GPHN: variants seen among roughly 807,000 people sequenced by gnomAD.
GPHN encodes gephyrin.
A neutral mutation model predicts 95.5 loss-of-function variants in GPHN; 17 were observed. That is an observed-to-expected ratio of 0.18 (90% CI 0.12 to 0.27). The LOEUF is 0.27. GPHN is among the 10% of genes least tolerant of loss of function. GPHN has a pLI of 1.00. For synonymous variants in GPHN, 320 were observed against 322.5 expected, an observed-to-expected ratio of 0.99 and a Z score of 0.08; for missense variants, 660 against 978.1, an observed-to-expected ratio of 0.67 and a Z score of 4.34.
chr14:67,118,072 G>A (rs1301669482), intron 16 of GPHN, among the ~76,000 whole-genome samples: 1 of 152,096 alleles, frequency 6.6e-6, no homozygotes, highest in Non-Finnish European at 1.5e-5. Flanking sequence ...ATGTTGGGGA[G>A]GGAAAAATAA....
the GPHN span, chr14:67,359,537 C>A: frequency 4.4e-6 from 5 of 1,146,342 alleles, no homozygotes; most frequent in Non-Finnish European, 6.2e-6. Context: ...AAGAAAAGAA[C>A]CTGGGAAAAG....
At chr14:67,219,428 T>G in the GPHN span, among the ~76,000 whole-genome samples, 1 of 152,154 alleles carries the variant, frequency 6.6e-6, no homozygotes, top group Non-Finnish European at 1.5e-5. Context: ...CCTTTGACAC[T>G]CCAGTCACAT....
chr14:67,204,491 C>T, the GPHN span: 1 of 1,540,954 alleles, frequency 6.5e-7, no homozygotes, highest in East Asian at 2.3e-5. Context: ...TTTTTATAAG[C>T]CTCCCATCAG....
the GPHN span, among the ~76,000 whole-genome samples, chr14:67,680,633 A>AT: frequency 6.6e-6 from 1 of 151,986 alleles, no homozygotes; most frequent in Non-Finnish European, 1.5e-5. Flanking sequence ...TAATTTTTGC[A>AT]TTTTTTATAG....
At chr14:67,234,216 T>G in the GPHN span, among the ~76,000 whole-genome samples, 1 of 152,180 alleles carries the variant, frequency 6.6e-6, no homozygotes, top group Non-Finnish European at 1.5e-5. Context: ...TTGACAGAGC[T>G]GGGATTCAAA....
intron 4 of GPHN, among the ~76,000 whole-genome samples, chr14:66,844,989 T>C (rs937554862): frequency 1.3e-5 from 2 of 152,166 alleles, no homozygotes; most frequent in African/African-American, 2.4e-5. Flanking sequence ...TGTCTTTCAG[T>C]GTCTAGCTTA....
At chr14:66,876,319 C>T (rs2063661103) in intron 4 of GPHN, among the ~76,000 whole-genome samples, 1 of 152,044 alleles carries the variant, frequency 6.6e-6, no homozygotes, top group South Asian at 2.1e-4. Flanking sequence ...AATCAACACC[C>T]TAATATCACA....
At chr14:66,877,803 G>T (rs998576022) in intron 4 of GPHN, among the ~76,000 whole-genome samples, 2 of 152,142 alleles carry the variant, frequency 1.3e-5, no homozygotes, top group Non-Finnish European at 2.9e-5. Flanking sequence ...TGGCCATACT[G>T]CCCAAAGGAA....
At chr14:67,386,639 C>T in the GPHN span, 1 of 152,300 alleles carries the variant, frequency 6.6e-6, no homozygotes, top group Non-Finnish European at 1.5e-5. Context: ...TAAATCTTCC[C>T]CATTTACATC....
At chr14:67,640,783 G>A in the GPHN span, among the ~76,000 whole-genome samples, 46 of 152,268 alleles carry the variant, frequency 3.0e-4, no homozygotes, top group African/African-American at 1.1e-3. Context: ...CTTAGGTGGG[G>A]AAATATTCAA....
At chr14:67,022,567 T>TGG (rs1422958863) in intron 9 of GPHN, among the ~76,000 whole-genome samples, 2 of 78,776 alleles carry the variant, frequency 2.5e-5, no homozygotes, top group Admixed American at 1.5e-4. Context: ...TTTTTTTTTT[T>TGG]GGTGTGTGTG....
At chr14:67,460,872 A>G in the GPHN span, among the ~76,000 whole-genome samples, 1 of 152,172 alleles carries the variant, frequency 6.6e-6, no homozygotes, top group Admixed American at 6.5e-5. Context: ...GCAAAATCCC[A>G]TGGGTTCGGG....
intron 2 of GPHN, among the ~76,000 whole-genome samples, chr14:66,749,267 A>T (rs948053212): frequency 1.7e-4 from 26 of 151,984 alleles, no homozygotes; most frequent in Non-Finnish European, 2.9e-4. Context: ...TTCGTTGTTT[A>T]CAAGTTTTGG....
the GPHN span, chr14:67,691,055 C>A: frequency 1.1e-6 from 1 of 874,770 alleles, no homozygotes; most frequent in Non-Finnish European, 1.9e-6. Context: ...TTCAATCACA[C>A]AACAAGAAGC....
At chr14:67,221,696 G>A in the GPHN span, 934 of 1,565,840 alleles carry the variant, frequency 6.0e-4, 1 homozygote, top group Non-Finnish European at 7.0e-4. Context: ...AAGAATGACC[G>A]GTTATTTTAT....
intron 4 of GPHN, among the ~76,000 whole-genome samples, chr14:66,835,331 C>G (rs1261627586): frequency 1.3e-5 from 2 of 151,462 alleles, no homozygotes; most frequent in African/African-American, 4.9e-5. Context: ...TTTTCTAGTT[C>G]TTTTAATTGT....
chr14:66,732,456 C>A (rs2071860352), intron 2 of GPHN, among the ~76,000 whole-genome samples: 1 of 152,222 alleles, frequency 6.6e-6, no homozygotes, highest in Admixed American at 6.5e-5. Context: ...TGGCCAGTTT[C>A]TCCCATTTAG....
chr14:67,262,996 C>A, the GPHN span, among the ~76,000 whole-genome samples: 2 of 152,110 alleles, frequency 1.3e-5, no homozygotes, highest in Non-Finnish European at 2.9e-5. Context: ...TACATTTAAT[C>A]TTTTATTGCT....
chr14:66,955,329 G>A (rs2068416062), intron 8 of GPHN, among the ~76,000 whole-genome samples: 1 of 152,162 alleles, frequency 6.6e-6, no homozygotes, highest in Admixed American at 6.5e-5. Flanking sequence ...GTTGGTTTTG[G>A]TAGTGTCTGT....
Sources: allele counts gnomAD v4.1 joint callset (sites outside exome capture counted in the v4.1 genomes callset), GRCh38; gene constraint gnomAD v4.1.1; transcripts MANE v1.5; gene names NCBI Gene and HGNC (gene_info 2026-07-23, HGNC 2026-07-21).